MRAP2: variants seen among roughly 807,000 people sequenced by gnomAD.
MRAP2 encodes the protein melanocortin 2 receptor accessory protein 2.
Under a neutral mutation model 17.4 loss-of-function variants are expected in MRAP2, and 20 were observed. The ratio of observed to expected loss-of-function variants is 1.15; its 90% CI spans 0.81 to 1.67. The LOEUF (loss-of-function observed/expected upper bound fraction) is 1.67, where lower values mean the gene tolerates loss of function less well. MRAP2 is among the 40% of genes most tolerant of loss of function. MRAP2 has a pLI of 0.00. For missense variants in MRAP2, 238 were observed against 240.0 expected, an observed-to-expected ratio of 0.99 and a Z score of 0.05; for synonymous variants, 96 against 88.4, an observed-to-expected ratio of 1.09 and a Z score of -0.48.
chr6:84,074,098 G>A (rs2099496984), intron 3 of MRAP2, among the ~76,000 whole-genome samples: 1 of 152,118 alleles, frequency 6.6e-6, no homozygotes, highest in Non-Finnish European at 1.5e-5. Context: ...GTGAGCTGAA[G>A]AGTCTAGGTA....
the MRAP2 span, among the ~76,000 whole-genome samples, chr6:84,104,537 G>A: frequency 6.6e-6 from 1 of 152,174 alleles, no homozygotes; most frequent in South Asian, 2.1e-4. Flanking sequence ...GCCTGTAACA[G>A]TACCCAAGTC....
intron 1 of MRAP2, among the ~76,000 whole-genome samples, chr6:84,046,008 AG>A (rs1365076521): frequency 2.0e-5 from 3 of 152,174 alleles, no homozygotes; most frequent in Admixed American, 6.5e-5. Context: ...CAGCCATAAT[AG>A]GTAGCTCTCA....
chr6:84,109,763 C>G, the MRAP2 span, among the ~76,000 whole-genome samples: 1 of 151,760 alleles, frequency 6.6e-6, no homozygotes, highest in Non-Finnish European at 1.5e-5. Flanking sequence ...CCCCCCACCC[C>G]CCGACAGGTC....
downstream of MRAP2, among the ~76,000 whole-genome samples, chr6:84,094,727 CTG>C (rs2099502361): frequency 6.6e-6 from 1 of 151,828 alleles, no homozygotes; most frequent in Admixed American, 6.6e-5. Flanking sequence ...GAGTCTCACT[CTG>C]TTGCCAGGCT....
chr6:84,055,598 A>G (rs1009116104), intron 2 of MRAP2, among the ~76,000 whole-genome samples, 153 bp downstream of exon 2: 1 of 152,142 alleles, frequency 6.6e-6, no homozygotes, highest in Non-Finnish European at 1.5e-5. Flanking sequence ...GCCTCCACAC[A>G]TAGGCTGATT....
chr6:84,038,270 T>G (rs1490191564), intron 1 of MRAP2, among the ~76,000 whole-genome samples: 1 of 152,200 alleles, frequency 6.6e-6, no homozygotes, highest in East Asian at 1.9e-4. Context: ...TTCAGTCCTT[T>G]CCTCCTGCTT....
intron 3 of MRAP2, among the ~76,000 whole-genome samples, chr6:84,077,544 C>T (rs147333331): frequency 2.5e-4 from 38 of 152,362 alleles, no homozygotes; most frequent in African/African-American, 6.5e-4. Flanking sequence ...GCATGATCTA[C>T]ATCTCCATAT....
the MRAP2 span, among the ~76,000 whole-genome samples, chr6:84,118,847 TAA>T: frequency 3.0e-3 from 456 of 152,234 alleles, 2 homozygotes; most frequent in African/African-American, 0.01. Context: ...GTCTTTAACC[TAA>T]GTTAATTTTT....
chr6:84,098,882 T>C, the MRAP2 span, among the ~76,000 whole-genome samples: 12 of 152,132 alleles, frequency 7.9e-5, no homozygotes, highest in Non-Finnish European at 1.5e-4. Context: ...GCAAATAGTT[T>C]CTCTCAGTTT....
At chr6:84,131,333 G>A in the MRAP2 span, among the ~76,000 whole-genome samples, 1 of 152,190 alleles carries the variant, frequency 6.6e-6, no homozygotes, top group Admixed American at 6.5e-5. Context: ...TTGATTTGGG[G>A]TGGAGAGTTC....
the MRAP2 span, among the ~76,000 whole-genome samples, chr6:84,132,970 T>C: frequency 5.3e-5 from 8 of 152,276 alleles, no homozygotes; most frequent in African/African-American, 1.9e-4. Flanking sequence ...TCTGCTCTGT[T>C]TTCTCCCCAT....
chr6:84,054,824 T>C (rs747314090), intron 1 of MRAP2, among the ~76,000 whole-genome samples: 13 of 152,312 alleles, frequency 8.5e-5, no homozygotes, highest in Non-Finnish European at 1.8e-4. Context: ...GTGATTCTAA[T>C]TGATGAAAGA....
chr6:84,114,960 G>A, the MRAP2 span, among the ~76,000 whole-genome samples: 1 of 152,194 alleles, frequency 6.6e-6, no homozygotes, highest in African/African-American at 2.4e-5. Context: ...TCGTCCCAGA[G>A]GGGCACCCGT....
the MRAP2 span, among the ~76,000 whole-genome samples, chr6:84,121,824 A>G: frequency 6.6e-6 from 1 of 152,224 alleles, no homozygotes; most frequent in Admixed American, 6.5e-5. Context: ...GAAAGTTTAT[A>G]GAATAAATGC....
the MRAP2 span, among the ~76,000 whole-genome samples, chr6:84,143,447 C>A: frequency 6.6e-6 from 1 of 151,590 alleles, no homozygotes; most frequent in Non-Finnish European, 1.5e-5. Flanking sequence ...ACTTTGTATG[C>A]AAAATATACA....
intron 3 of MRAP2, among the ~76,000 whole-genome samples, chr6:84,077,356 C>T (rs139495181): frequency 3.3e-5 from 5 of 152,138 alleles, no homozygotes; most frequent in South Asian, 2.1e-4. Flanking sequence ...ACAGCACAAG[C>T]GAAGGCACAG....
the MRAP2 span, among the ~76,000 whole-genome samples, chr6:84,134,814 C>G: frequency 4.7e-4 from 71 of 151,998 alleles, no homozygotes; most frequent in Non-Finnish European, 6.8e-4. Context: ...GCCTCCCCCC[C>G]ACAGATTAAA....
At chr6:84,122,422 A>G in the MRAP2 span, among the ~76,000 whole-genome samples, 36,753 of 148,940 alleles carry the variant, frequency 0.25, 10,260 homozygotes, top group African/African-American at 0.7. Flanking sequence ...AAGGAGGATG[A>G]TTCAACATAC....
intron 3 of MRAP2, among the ~76,000 whole-genome samples, chr6:84,071,549 C>CA (rs1404803450): frequency 6.6e-6 from 1 of 152,124 alleles, no homozygotes; most frequent in African/African-American, 2.4e-5. Flanking sequence ...AACCTGATGA[C>CA]AGTGTGTCTA....
Sources: allele counts gnomAD v4.1 joint callset (sites outside exome capture counted in the v4.1 genomes callset), GRCh38; gene constraint gnomAD v4.1.1; transcripts MANE v1.5; gene names NCBI Gene and HGNC (gene_info 2026-07-23, HGNC 2026-07-21).